Variants in ARID4B observed in about 807,000 individuals in gnomAD.
ARID4B encodes AT-rich interactive domain-containing protein 4B.
ARID4B carries 26 observed loss-of-function variants against 147.5 expected under a neutral mutation model. The observed-to-expected ratio is 0.18, with a 90% CI of 0.13 to 0.24. ARID4B has a LOEUF of 0.24. Among genes scored for constraint, ARID4B ranks in the 10% least tolerant of loss-of-function variants. The pLI, the probability that ARID4B is intolerant of heterozygous loss-of-function variation, is 1.00. For synonymous variants in ARID4B, 512 were observed against 507.9 expected, an observed-to-expected ratio of 1.01 and a Z score of -0.11; for missense variants, 1,179 against 1,511.5, an observed-to-expected ratio of 0.78 and a Z score of 3.65.
At chr1:235,261,464 G>A (rs527328659) in intron 2 of ARID4B, among the ~76,000 whole-genome samples, 236 of 152,260 alleles carry the variant, frequency 1.5e-3, no homozygotes, top group African/African-American at 5.2e-3. Context: ...GTCGAGACTC[G>A]AGTGAAAAGT....
intron 2 of ARID4B, among the ~76,000 whole-genome samples, chr1:235,308,506 G>A (rs959567070): frequency 5.9e-5 from 7 of 119,164 alleles, no homozygotes; most frequent in East Asian, 2.9e-4. Flanking sequence ...CTCTTTCCAC[G>A]GTCTCCCTCT....
intron 19 of ARID4B, chr1:235,187,077 C>CTTTT (rs11335836): frequency 5.7e-4 from 153 of 267,220 alleles, no homozygotes; most frequent in Middle Eastern, 1.5e-3. Flanking sequence ...GCATCTTATT[C>CTTTT]TTTTTTTTTT....
At chr1:235,178,540 C>T (rs994434290) in intron 20 of ARID4B, among the ~76,000 whole-genome samples, 3 of 152,034 alleles carry the variant, frequency 2.0e-5, no homozygotes, top group African/African-American at 7.2e-5. Flanking sequence ...AAATAAATGT[C>T]TCCCTTTTCT....
chr1:235,241,000 C>A (rs1019576891), intron 7 of ARID4B, among the ~76,000 whole-genome samples: 41 of 152,040 alleles, frequency 2.7e-4, no homozygotes, highest in African/African-American at 9.7e-4. Context: ...TTGTATGATG[C>A]TAAAAACTTT....
At chr1:235,296,791 G>GAGGAAGGA (rs761841322) in intron 2 of ARID4B, among the ~76,000 whole-genome samples, 1,891 of 56,938 alleles carry the variant, frequency 0.033, 75 homozygotes, top group Middle Eastern at 0.056. Flanking sequence ...AAAAAAAAAG[G>GAGGAAGGA]AGGAAGGAAG....
intron 19 of ARID4B, among the ~76,000 whole-genome samples, chr1:235,190,912 A>G (rs1479336066): frequency 2.0e-5 from 3 of 152,228 alleles, no homozygotes; most frequent in Non-Finnish European, 4.4e-5. Flanking sequence ...GTTATTTCCA[A>G]AGAAAGTCAT....
intron 2 of ARID4B, among the ~76,000 whole-genome samples, chr1:235,326,531 C>T (rs1675274797): frequency 6.6e-6 from 1 of 152,192 alleles, no homozygotes; most frequent in African/African-American, 2.4e-5. Context: ...CAGTACTGTT[C>T]ACACAATAAA....
At chr1:235,257,116 T>A (rs919512832) in intron 4 of ARID4B, 44 bp downstream of exon 4, 4 of 1,339,304 alleles carry the variant, frequency 3.0e-6, no homozygotes, top group Non-Finnish European at 2.1e-6. Flanking sequence ...ATGATTATTT[T>A]TTCCCAAACA....
At chr1:235,170,836 C>T (rs1023570698) in intron 23 of ARID4B, among the ~76,000 whole-genome samples, 9 of 147,036 alleles carry the variant, frequency 6.1e-5, no homozygotes, top group South Asian at 2.2e-4. Flanking sequence ...TCGCTTGAAC[C>T]GGAAGGCAGA....
chr1:235,246,628 G>A (rs1669315073), intron 6 of ARID4B, 117 bp from the exon 7 acceptor site: 2 of 668,980 alleles, frequency 3.0e-6, no homozygotes, highest in Non-Finnish European at 5.1e-6. Flanking sequence ...CTCCCCCCAG[G>A]GAAGCTAAAA....
intron 2 of ARID4B, among the ~76,000 whole-genome samples, chr1:235,261,356 CAAAATAAA>C (rs919646736): frequency 7.9e-5 from 12 of 151,978 alleles, no homozygotes; most frequent in Non-Finnish European, 4.4e-5. Flanking sequence ...CTCAACTCTA[CAAAATAAA>C]AAAATAAAAA....
At chr1:235,298,143 A>T (rs1672875783) in intron 2 of ARID4B, among the ~76,000 whole-genome samples, 1 of 152,208 alleles carries the variant, frequency 6.6e-6, no homozygotes, top group South Asian at 2.1e-4. Context: ...TTAAAATGCT[A>T]CATGGTGAGG....
chr1:235,219,176 T>A (rs528417996), intron 16 of ARID4B, among the ~76,000 whole-genome samples: 91 of 151,542 alleles, frequency 6.0e-4, no homozygotes, highest in Non-Finnish European at 1.1e-3. Context: ...GCTAAATGAT[T>A]TTTTTTTTAA....
intron 23 of ARID4B, among the ~76,000 whole-genome samples, chr1:235,170,016 T>G (rs1382402326): frequency 6.6e-6 from 1 of 152,116 alleles, no homozygotes; most frequent in Non-Finnish European, 1.5e-5. Context: ...ATGCACAGAT[T>G]TAAAAAATTC....
At chr1:235,317,930 G>A (rs998930477) in intron 2 of ARID4B, among the ~76,000 whole-genome samples, 3 of 152,014 alleles carry the variant, frequency 2.0e-5, no homozygotes, top group Non-Finnish European at 2.9e-5. Context: ...TTATCACACA[G>A]GTAATATTAG....
At chr1:235,267,602 G>T (rs188009942) in intron 2 of ARID4B, among the ~76,000 whole-genome samples, 1 of 152,304 alleles carries the variant, frequency 6.6e-6, no homozygotes, top group Admixed American at 6.5e-5. Flanking sequence ...GGAGGCCGAG[G>T]CGGGTGGATC....
In ARID4B at chr1:235,167,272, C is replaced by G. The variant is rs556485350; in HGVS notation, c.*1253G>C. On this transcript the variant is annotated 3_prime_UTR_variant, in exon 24 of 24. Coordinates refer to ENST00000264183, the MANE Select transcript of ARID4B (RefSeq NM_016374.6). Reference sequence around the variant, plus strand: ...CATCCAAAAAAAGTACACAGAACTACAATTAAAACAGTAAAACAGTCTGTA... The same window carrying G: ...CATCCAAAAAAAGTACACAGAACTAGAATTAAAACAGTAAAACAGTCTGTA... 103 of 215,822 alleles carry G rather than the reference C, an allele frequency of 4.8e-4. 1 individual carries two copies. Among genetic ancestry groups the G allele is most frequent in the African/African-American group, 2.2e-3 (99 of 44,426 alleles). The allele number at this position is 215,822 out of a possible 1,614,324, so 13.4% of individuals were successfully genotyped here. A position where few individuals can be genotyped will look rare whatever the true frequency, so the allele number is the denominator to read the frequency against.
At chr1:235,242,226 C>T (rs941833352) in intron 7 of ARID4B, among the ~76,000 whole-genome samples, 8 of 146,014 alleles carry the variant, frequency 5.5e-5, no homozygotes, top group African/African-American at 1.5e-4. Flanking sequence ...CCAGCCTGGG[C>T]GACAGAGTGA....
chr1:235,290,031 C>G (rs1672233616), intron 2 of ARID4B, among the ~76,000 whole-genome samples: 1 of 133,408 alleles, frequency 7.5e-6, no homozygotes. Flanking sequence ...GAGACTCTAT[C>G]TCTAAAAAAA....
Sources: gnomAD v4.1 joint callset for allele counts (sites outside exome capture counted in the v4.1 genomes callset) on GRCh38, gnomAD v4.1.1 for gene constraint, MANE v1.5 for transcripts, NCBI Gene and HGNC (gene_info 2026-07-23, HGNC 2026-07-21) for gene names.